COL21A1: variants seen among roughly 807,000 people sequenced by gnomAD.
The protein encoded by COL21A1 is collagen type XXI alpha 1 chain.
A neutral mutation model predicts 137.9 loss-of-function variants in COL21A1; 149 were observed. The ratio of observed to expected loss-of-function variants is 1.08; its 90% CI spans 0.95 to 1.24. COL21A1 has a LOEUF of 1.24. Among genes scored for constraint, COL21A1 ranks in the 50% most tolerant of loss-of-function variants. The pLI, the probability that COL21A1 is intolerant of heterozygous loss-of-function variation, is 0.00. For missense variants in COL21A1, 1,167 were observed against 1,158.4 expected (o/e 1.01, Z -0.11); for synonymous variants, 456 against 391.5 (o/e 1.16, Z -1.95).
In COL21A1 at chr6:56,059,209, T is replaced by C. The variant is rs1430106625; in HGVS notation, c.2642A>G (p.Gln881Arg). The C allele has an allele frequency of 6.2e-7, 1 of 1,608,318 alleles. No individual in the cohort carries two copies. Among genetic ancestry groups the C allele is most frequent in the Non-Finnish European group, 8.5e-7 (1 of 1,178,248 alleles). Residue 881 changes from glutamine (Q) to arginine (R), a missense_variant, in exon 29 of 30, where the codon CAA (glutamine) becomes CGA (arginine). Gln to Arg is a conservative substitution (Grantham distance 43, BLOSUM62 1). Coordinates refer to ENST00000244728, the MANE Select transcript of COL21A1 (RefSeq NM_030820.4). ...TTGTTCTCCAGGATACCCAAACCCTTGGCTCCCTTTTTCCCCATTTCTTCC... is the reference window on the plus strand; with the variant it reads ...TTGTTCTCCAGGATACCCAAACCCTCGGCTCCCTTTTTCCCCATTTCTTCC... ...LPGRNGEKGS[Q>R]GFGYPGEQGP...
At chr6:56,162,245 G>A (rs1776251732) in intron 9 of COL21A1, among the ~76,000 whole-genome samples, 1 of 152,124 alleles carries the variant, frequency 6.6e-6, no homozygotes, top group Admixed American at 6.5e-5. Context: ...GGATGGAAGA[G>A]TGTGTGTGTG....
At chr6:56,176,968 G>A (rs1004343920) in intron 3 of COL21A1, among the ~76,000 whole-genome samples, 3 of 149,392 alleles carry the variant, frequency 2.0e-5, no homozygotes, top group East Asian at 2.0e-4. Context: ...GAATGAGGGA[G>A]GCAGGAGCAG....
At chr6:56,359,571 A>G (rs545462981) in intron 1 of COL21A1, among the ~76,000 whole-genome samples, 18 of 152,210 alleles carry the variant, frequency 1.2e-4, no homozygotes, top group Non-Finnish European at 2.6e-4. Flanking sequence ...ACCTGAAAAT[A>G]TGAGGCAATC....
At chr6:56,120,232 G>A (rs139999585) in intron 16 of COL21A1, among the ~76,000 whole-genome samples, 4 of 152,176 alleles carry the variant, frequency 2.6e-5, no homozygotes, top group South Asian at 2.1e-4. Flanking sequence ...ATCAAAAGAT[G>A]GGCAAAATAT....
At position 56,074,201 on chromosome 6, in the gene COL21A1, T is replaced by C. The variant is rs564017332; in HGVS notation, c.1965+31A>G. On this transcript the variant is annotated intron_variant, in intron 20 of 29. Transcript: ENST00000244728. ...AAATGGCCACTGTGATTATACAAAG[T>C]TCCCAGTCTTGTTTATTTTATCATA... 3 of 1,512,650 alleles carry C rather than the reference T, an allele frequency of 2.0e-6. No individual in the cohort carries two copies. The East Asian group carries it at 7.2e-5, about 36-fold the overall frequency. The allele number at this position is 1,512,650 out of a possible 1,614,324, so 93.7% of individuals were successfully genotyped here. A position where few individuals can be genotyped will look rare whatever the true frequency, so the allele number is the denominator to read the frequency against.
At chr6:56,378,094 T>C (rs1405993778) in intron 1 of COL21A1, among the ~76,000 whole-genome samples, 1 of 152,100 alleles carries the variant, frequency 6.6e-6, no homozygotes, top group African/African-American at 2.4e-5. Flanking sequence ...TGGAGGGCCA[T>C]AGGTGAGACT....
intron 1 of COL21A1, among the ~76,000 whole-genome samples, chr6:56,206,274 A>G (rs924375483): frequency 2.6e-5 from 4 of 151,998 alleles, no homozygotes; most frequent in African/African-American, 9.7e-5. Flanking sequence ...GCTCAAAATA[A>G]AGGGATGGGG....
At chr6:56,206,808 A>G (rs999931731) in intron 1 of COL21A1, among the ~76,000 whole-genome samples, 3 of 151,032 alleles carry the variant, frequency 2.0e-5, no homozygotes, top group Non-Finnish European at 4.4e-5. Context: ...TCCTCAGAAA[A>G]TGCAAAAGAA....
intron 1 of COL21A1, among the ~76,000 whole-genome samples, chr6:56,313,524 T>C (rs1329661194): frequency 6.6e-6 from 1 of 152,192 alleles, no homozygotes; most frequent in African/African-American, 2.4e-5. Flanking sequence ...TCTCACTGCC[T>C]TCACAAATCA....
At chr6:56,276,418 ATC>A in intron 1 of COL21A1, 2 of 573,890 alleles carry the variant, frequency 3.5e-6, no homozygotes, top group Non-Finnish European at 6.1e-6. Flanking sequence ...TCCTGTTTTG[ATC>A]TTTTTTTTTT....
chr6:56,133,122 G>C (rs1773700310), intron 12 of COL21A1, among the ~76,000 whole-genome samples: 1 of 152,212 alleles, frequency 6.6e-6, no homozygotes, highest in Non-Finnish European at 1.5e-5. Flanking sequence ...GGTTGGAACA[G>C]TTTGGAGGGC....
At chr6:56,319,721 A>G (rs1764822353) in intron 1 of COL21A1, among the ~76,000 whole-genome samples, 1 of 152,128 alleles carries the variant, frequency 6.6e-6, no homozygotes, top group African/African-American at 2.4e-5. Flanking sequence ...AGCTGATTAG[A>G]CTACCAAATT....
chr6:56,383,061 T>C lies in COL21A1; in HGVS notation c.-39+10910A>G, dbSNP rs2094011473. Reference sequence around the variant, plus strand: ...TAACCACTGTTCCCTTGAAACATTGTCAATACAGGATGCTATAACAGATTG... The same window carrying C: ...TAACCACTGTTCCCTTGAAACATTGCCAATACAGGATGCTATAACAGATTG... On this transcript the variant is annotated intron_variant, in intron 1 of 28. Coordinates refer to the COL21A1 transcript ENST00000370819. 2.0e-5 allele frequency among the ~76,000 whole-genome samples: 3 copies of C among 152,188 alleles called. No individual in the cohort carries two copies. In the South Asian group the frequency reaches 6.2e-4, roughly 31 times the overall value.
chr6:56,060,658 A>G (rs758051495), intron 27 of COL21A1, 83 bp downstream of exon 27: 4 of 1,135,596 alleles, frequency 3.5e-6, no homozygotes, highest in Non-Finnish European at 5.0e-6. Flanking sequence ...CACCTCACTT[A>G]TATCCTCTAC....
chr6:56,130,669 G>A (rs1448022856), intron 12 of COL21A1, among the ~76,000 whole-genome samples: 3 of 152,042 alleles, frequency 2.0e-5, no homozygotes, highest in African/African-American at 7.2e-5. Flanking sequence ...AAAAAAATAC[G>A]AGGTCTGGAC....
At chr6:56,165,594 T>G (rs905501273) in intron 7 of COL21A1, among the ~76,000 whole-genome samples, 1 of 152,240 alleles carries the variant, frequency 6.6e-6, no homozygotes, top group Admixed American at 6.5e-5. Context: ...TATAAATATC[T>G]AAAACTATAG....
chr6:56,086,596 GGAA>G lies in COL21A1; in HGVS notation c.1813-9026_1813-9024del, dbSNP rs767558699. 3.3e-5 allele frequency among the ~76,000 whole-genome samples: 5 copies of G among 152,076 alleles called. No individual in the cohort carries two copies. In the South Asian group the frequency reaches 6.2e-4, roughly 19 times the overall value. ...ATCATCTTCATGTTAAGTAGGCTGA[GGAA>G]GAAGAAGAGGAGGGGTTGGTCTTGC... On this transcript the variant is annotated intron_variant, in intron 17 of 29. Transcript: ENST00000244728.
At chr6:56,292,391 A>ACCACCC (rs1764067796) in intron 1 of COL21A1, among the ~76,000 whole-genome samples, 1 of 125,234 alleles carries the variant, frequency 8.0e-6, no homozygotes. Context: ...CAAAACAGGG[A>ACCACCC]CCCCCCCCCT....
At chr6:56,293,231 T>C (rs1454506730) in intron 1 of COL21A1, among the ~76,000 whole-genome samples, 1 of 152,202 alleles carries the variant, frequency 6.6e-6, no homozygotes, top group African/African-American at 2.4e-5. Context: ...AAAGTGTCAA[T>C]AATTTTGATT....
Sources: allele counts gnomAD v4.1 joint callset (sites outside exome capture counted in the v4.1 genomes callset), GRCh38; gene constraint gnomAD v4.1.1; transcripts MANE v1.5; gene names NCBI Gene and HGNC (gene_info 2026-07-23, HGNC 2026-07-21).